Variants in XYLB observed in about 807,000 individuals in gnomAD.
XYLB encodes the protein xylulose kinase.
In XYLB, 62 loss-of-function variants were observed where a neutral mutation model predicts 78.7. The ratio of observed to expected loss-of-function variants is 0.79; its 90% CI spans 0.64 to 0.97. The LOEUF (loss-of-function observed/expected upper bound fraction) is 0.97. Among genes scored for constraint, XYLB ranks in the 50% least tolerant of loss-of-function variants. XYLB has a pLI of 0.00. For synonymous variants in XYLB, 245 were observed against 247.4 expected (o/e 0.99, Z 0.09); for missense variants, 687 against 676.8 (o/e 1.02, Z -0.17).
At chr3:38,452,932 G>C in the XYLB span, 1 of 152,212 alleles carries the variant, frequency 6.6e-6, no homozygotes, top group African/African-American at 2.4e-5. Context: ...CAAGTCAAGA[G>C]AAGACAGAGG....
chr3:38,417,135 A>C (rs187293419), downstream of XYLB, among the ~76,000 whole-genome samples: 3 of 152,316 alleles, frequency 2.0e-5, no homozygotes, highest in African/African-American at 7.2e-5. Context: ...CTACCTTGAT[A>C]ATAGAGAATA....
chr3:38,405,582 A>G (rs1708283368), intron 18 of XYLB, among the ~76,000 whole-genome samples: 1 of 152,226 alleles, frequency 6.6e-6, no homozygotes. Flanking sequence ...AGGGCGAGGC[A>G]TTGCCTCACT....
In XYLB at chr3:38,413,300, A is replaced by C; in HGVS notation, c.*287A>C. ...ACTGAGACTGGGATATGTCCAATAA[A>C]AACTATGACTTTTCCCCTTGCAGAG... On this transcript the variant is annotated 3_prime_UTR_variant, in exon 19 of 19. Transcript: ENST00000207870. The C allele has an allele frequency of 2.9e-6, 1 of 339,878 alleles. No individual in the cohort carries two copies. The highest frequency in any genetic ancestry group is 5.3e-6 in the Non-Finnish European group (1 of 189,972). The allele number at this position is 339,878 out of a possible 1,614,324, so 21.1% of individuals were successfully genotyped here. A position where few individuals can be genotyped will look rare whatever the true frequency, so the allele number is the denominator to read the frequency against.
chr3:38,365,427 A>T, intron 5 of XYLB, 142 bp downstream of exon 5: 1 of 1,363,770 alleles, frequency 7.3e-7, no homozygotes, highest in Non-Finnish European at 1.0e-6. Flanking sequence ...GCTTTTGGGG[A>T]GAGACCCCAC....
chr3:38,410,213 C>G (rs1042886445), intron 18 of XYLB, among the ~76,000 whole-genome samples: 12 of 152,068 alleles, frequency 7.9e-5, no homozygotes, highest in African/African-American at 2.7e-4. Flanking sequence ...AGAACAGAGC[C>G]CTCAGAAATA....
intron 2 of XYLB, 22 bp from the exon 3 acceptor site, chr3:38,360,317 A>C: frequency 1.2e-6 from 2 of 1,611,684 alleles, no homozygotes; most frequent in East Asian, 2.2e-5. Context: ...GCTCTGGTCT[A>C]CATTCTCTGT....
chr3:38,374,312 G>A, intron 10 of XYLB, 150 bp from the exon 11 acceptor site: 1 of 1,063,404 alleles, frequency 9.4e-7, no homozygotes, highest in Non-Finnish European at 1.4e-6. Flanking sequence ...AGGGCCTCCT[G>A]AGCGCTCAGC....
intron 18 of XYLB, among the ~76,000 whole-genome samples, chr3:38,409,713 A>G (rs1460188323): frequency 6.6e-6 from 1 of 152,230 alleles, no homozygotes; most frequent in Non-Finnish European, 1.5e-5. Context: ...ATCAATGTAC[A>G]AAAATCACAA....
chr3:38,449,287 T>A, the XYLB span, among the ~76,000 whole-genome samples: 2 of 151,878 alleles, frequency 1.3e-5, no homozygotes, highest in Admixed American at 1.3e-4. Context: ...CATGCCCAGC[T>A]AATTTTTGTA....
intron 14 of XYLB, among the ~76,000 whole-genome samples, chr3:38,378,365 C>T (rs559293910): frequency 6.6e-6 from 1 of 152,352 alleles, no homozygotes; most frequent in East Asian, 1.9e-4. Flanking sequence ...ATTGGTGGCC[C>T]TTGCTCCCCA....
intron 2 of XYLB, chr3:38,356,540 T>C (rs185669013): frequency 1.3e-5 from 2 of 152,222 alleles, no homozygotes; most frequent in Admixed American, 1.3e-4. Context: ...ATATATATAA[T>C]ATGTGACAGC....
intron 9 of XYLB, among the ~76,000 whole-genome samples, chr3:38,370,583 G>A (rs1469188046): frequency 6.6e-6 from 1 of 152,192 alleles, no homozygotes; most frequent in Non-Finnish European, 1.5e-5. Flanking sequence ...CACAGGCCCT[G>A]GCACTGGACA....
downstream of XYLB, among the ~76,000 whole-genome samples, chr3:38,424,190 C>T (rs1378558589): frequency 6.6e-6 from 1 of 152,176 alleles, no homozygotes; most frequent in Non-Finnish European, 1.5e-5. Flanking sequence ...TTTTCCAACT[C>T]AGCATTCACC....
Position 38,376,212 on chromosome 3 carries a change from T to C in XYLB, c.1100T>C (p.Met367Thr). 1.9e-6 allele frequency: 3 copies of C among 1,612,884 alleles called. No homozygotes were observed. Among genetic ancestry groups the C allele is most frequent in the Non-Finnish European group, 2.5e-6 (3 of 1,179,076 alleles). ...DFSKALQSTE[M>T]GNGGNLGFYF... ...TCTAAGGCACTGCAGTCCACAGAGA[T>C]GGGCAACGGTGGAAACCTGGGTAGG... The change falls in exon 13 of 19, where the codon ATG (methionine) becomes ACG (threonine). Residue 367 changes from methionine to threonine, a missense_variant. Met to Thr is a moderately conservative substitution (Grantham distance 81). Coordinates refer to ENST00000207870, the MANE Select transcript of XYLB (RefSeq NM_005108.4).
chr3:38,363,488 C>A (rs2125577395), intron 4 of XYLB, among the ~76,000 whole-genome samples: 1 of 152,264 alleles, frequency 6.6e-6, no homozygotes, highest in Middle Eastern at 3.4e-3. Flanking sequence ...GAGGCCTTTC[C>A]AGATGTCATC....
chr3:38,373,903 T>C (rs1290341229), intron 10 of XYLB, among the ~76,000 whole-genome samples: 1 of 152,096 alleles, frequency 6.6e-6, no homozygotes, highest in Non-Finnish European at 1.5e-5. Context: ...CCTGTAGTCT[T>C]AGCTACTTGG....
chr3:38,452,267 A>C, the XYLB span: 2 of 152,022 alleles, frequency 1.3e-5, no homozygotes, highest in Admixed American at 6.5e-5. Flanking sequence ...AGGGACCATC[A>C]TTTTCACATA....
the XYLB span, among the ~76,000 whole-genome samples, chr3:38,437,063 C>A: frequency 5.2e-4 from 77 of 147,636 alleles, no homozygotes; most frequent in East Asian, 9.9e-4. Flanking sequence ...CCAAAAAAAA[C>A]CCCACCATAA....
chr3:38,374,896 C>A (rs753712505), intron 11 of XYLB, among the ~76,000 whole-genome samples: 1 of 152,142 alleles, frequency 6.6e-6, no homozygotes, highest in South Asian at 2.1e-4. Context: ...ATCACCCAAA[C>A]CATTATTTAG....
Sources: gnomAD v4.1 joint callset for allele counts (sites outside exome capture counted in the v4.1 genomes callset) on GRCh38, gnomAD v4.1.1 for gene constraint, MANE v1.5 for transcripts, NCBI Gene and HGNC (gene_info 2026-07-23, HGNC 2026-07-21) for gene names.